Variants in SP140L observed in about 807,000 individuals in gnomAD.
SP140L encodes the protein nuclear body protein SP140-like protein.
Under a neutral mutation model 84.3 loss-of-function variants are expected in SP140L, and 64 were observed. The observed-to-expected ratio is 0.76, with a 90% CI of 0.62 to 0.94. The LOEUF is 0.94. SP140L is among the 40% of genes least tolerant of loss of function. SP140L has a pLI of 0.00. For synonymous variants in SP140L, 242 were observed against 236.9 expected (o/e 1.02, Z -0.20); for missense variants, 628 against 692.5 (o/e 0.91, Z 1.05).
chr2:230,398,342 G>T (rs763182148), intron 14 of SP140L, among the ~76,000 whole-genome samples: 4 of 152,122 alleles, frequency 2.6e-5, no homozygotes, highest in Non-Finnish European at 5.9e-5. Context: ...GTACAGCCAG[G>T]CCAACAACTA....
chr2:230,337,619 T>C (rs1208808866), intron 2 of SP140L, among the ~76,000 whole-genome samples: 2 of 152,226 alleles, frequency 1.3e-5, no homozygotes, highest in Non-Finnish European at 2.9e-5. Flanking sequence ...AGGGTTTTTA[T>C]GGTTTTAGGT....
At chr2:230,351,394 A>C (rs1057392144) in intron 2 of SP140L, among the ~76,000 whole-genome samples, 1 of 152,030 alleles carries the variant, frequency 6.6e-6, no homozygotes, top group Non-Finnish European at 1.5e-5. Flanking sequence ...CTTTTATTTA[A>C]GCTGCCTGTT....
intron 13 of SP140L, 149 bp from the exon 14 acceptor site, chr2:230,396,608 C>T: frequency 1.2e-6 from 1 of 855,650 alleles, no homozygotes; most frequent in Non-Finnish European, 1.8e-6. Context: ...ACTGGAGCCA[C>T]CCCAGCCTAC....
chr2:230,363,590 T>C (rs1214257565), intron 5 of SP140L, among the ~76,000 whole-genome samples: 2 of 152,090 alleles, frequency 1.3e-5, no homozygotes, highest in African/African-American at 4.8e-5. Flanking sequence ...ATCAGACATA[T>C]GGTTTGCAAA....
chr2:230,365,200 A>G (rs960218769), intron 5 of SP140L, among the ~76,000 whole-genome samples: 3 of 152,042 alleles, frequency 2.0e-5, no homozygotes, highest in African/African-American at 7.2e-5. Flanking sequence ...CCCTTATTCA[A>G]TTTTTTAGAC....
At chr2:230,361,834 G>A in intron 5 of SP140L, 137 bp downstream of exon 5, 1 of 652,188 alleles carries the variant, frequency 1.5e-6, no homozygotes, top group East Asian at 2.8e-5. Context: ...GTCAAGGAGG[G>A]GGTTGTATGA....
rs1170974045 is a variant in SP140L, at chr2:230,403,567, C to T, written c.*671C>T. The stretch of plus-strand genomic sequence containing the variant: ...ATTCACGACACACTTCTTCCCTTCA[C>T]TCTCCCACTTCTGTGGTCAACTCCC... On this transcript the variant is annotated 3_prime_UTR_variant, in exon 19 of 19. Coordinates refer to ENST00000415673, the MANE Select transcript of SP140L (RefSeq NM_138402.6). The T allele has an allele frequency of 6.6e-6, 1 of 152,318 alleles. No homozygotes were observed. The highest frequency in any genetic ancestry group is 2.4e-5 in the African/African-American group (1 of 41,450). 9.4% of individuals were successfully genotyped at this position (152,318 alleles called of 1,614,324 possible). A position where few individuals can be genotyped will look rare whatever the true frequency, so the allele number is the denominator to read the frequency against.
At chr2:230,345,394 A>C (rs2060177220) in intron 2 of SP140L, among the ~76,000 whole-genome samples, 1 of 152,058 alleles carries the variant, frequency 6.6e-6, no homozygotes, top group Admixed American at 6.5e-5. Flanking sequence ...GTGTTCTTAA[A>C]CCTACCATGA....
intron 2 of SP140L, among the ~76,000 whole-genome samples, chr2:230,342,365 T>C (rs530836217): frequency 2.0e-5 from 3 of 152,306 alleles, no homozygotes; most frequent in Non-Finnish European, 2.9e-5. Flanking sequence ...GCACGGTGCG[T>C]GCACCCACTG....
chr2:230,380,297 C>T (rs988898168), intron 7 of SP140L, among the ~76,000 whole-genome samples: 14 of 152,226 alleles, frequency 9.2e-5, no homozygotes, highest in Admixed American at 6.5e-4. Context: ...CCCACTGGGT[C>T]CCTCCCACAT....
chr2:230,401,265 A>C (rs1186262881), intron 16 of SP140L, 101 bp from the exon 17 acceptor site: 2 of 1,594,470 alleles, frequency 1.3e-6, no homozygotes, highest in Non-Finnish European at 1.7e-6. Context: ...CACATGTTAG[A>C]GAAACTTGAG....
intron 18 of SP140L, among the ~76,000 whole-genome samples, chr2:230,402,587 G>T (rs2149839301): frequency 6.6e-6 from 1 of 152,336 alleles, no homozygotes; most frequent in East Asian, 1.9e-4. Flanking sequence ...TCTTTGAGAT[G>T]ATGAATATGT....
At chr2:230,380,268 C>G (rs906140680) in intron 7 of SP140L, among the ~76,000 whole-genome samples, 11 of 152,190 alleles carry the variant, frequency 7.2e-5, no homozygotes, top group African/African-American at 2.6e-4. Flanking sequence ...GGAAACTGCC[C>G]CCCGATTCAA....
In SP140L at chr2:230,380,265, G is replaced by GC. The variant is rs371151108; in HGVS notation, c.638-3239dup. On this transcript the variant is annotated intron_variant, in intron 7 of 18. Transcript: ENST00000415673. ...CCATGAGAACAGTACAGGGGAAACT[G>GC]CCCCCCGATTCAATTTTATCTCCCA... 5.2e-3 allele frequency among the ~76,000 whole-genome samples: 788 copies of GC among 152,190 alleles called. 2 individuals are homozygous for GC. The highest frequency in any genetic ancestry group is 0.018 in the African/African-American group (750 of 41,506).
intron 14 of SP140L, among the ~76,000 whole-genome samples, chr2:230,397,224 G>T (rs939915582): frequency 3.9e-5 from 6 of 152,220 alleles, no homozygotes; most frequent in African/African-American, 1.4e-4. Flanking sequence ...GCACTCCAAG[G>T]TGCAGGTGGA....
At position 230,400,888 on chromosome 2, in the gene SP140L, G is replaced by A. The variant is rs1335736681; in HGVS notation, c.1314-67G>A. The A allele has an allele frequency of 3.4e-5, 39 of 1,157,934 alleles. No homozygotes were observed. The Admixed American group carries it at 3.9e-4, about 12-fold the overall frequency. The allele number at this position is 1,157,934 out of a possible 1,614,324, so 71.7% of individuals were successfully genotyped here. On this transcript the variant is annotated intron_variant, in intron 15 of 18. Transcript: ENST00000415673. ...CAGCCATTCCTGAAGGAAGACAGTG[G>A]TAGCCACAGGAACGGTGGCCATTTC...
At chr2:230,386,194 A>G (rs2061574185) in intron 9 of SP140L, among the ~76,000 whole-genome samples, 1 of 152,190 alleles carries the variant, frequency 6.6e-6, no homozygotes, top group African/African-American at 2.4e-5. Context: ...CTATGGTCCC[A>G]TAGGTGGACT....
rs2062298879 is a variant in SP140L at position 230,400,818 on chromosome 2, G to C, written c.1314-137G>C. On this transcript the variant is annotated intron_variant, in intron 15 of 18. Transcript: ENST00000415673. ...GCTGGAGACCCCATGTGCAGTTCTT[G>C]GATACTCTGGGAGGTGTTCCCCTCC... The C allele has an allele frequency of 3.2e-6, 5 of 1,579,688 alleles. No individual in the cohort carries two copies. The South Asian group carries it at 5.7e-5, about 18-fold the overall frequency.
Position 230,354,848 on chromosome 2 carries a change from GGAAAGAAAGAAAGAAAGAAAGAAA to G in SP140L, c.108-2931_108-2908del, listed in dbSNP as rs61603133. ...AAGAAAGAGACAAGAAAGAAAGAAAGGAAAGAAAGAAAGAAAGAAAGAAAGAAAGAAAGAAAGAAAGAAAGAAAG... is the reference window on the plus strand; with the variant it reads ...AAGAAAGAGACAAGAAAGAAAGAAAGGAAAGAAAGAAAGAAAGAAAGAAAG... On this transcript the variant is annotated intron_variant, in intron 2 of 18. Coordinates refer to ENST00000415673, the MANE Select transcript of SP140L (RefSeq NM_138402.6). Among the ~76,000 whole-genome samples, 6 of 108,886 alleles carry G rather than the reference GGAAAGAAAGAAAGAAAGAAAGAAA, an allele frequency of 5.5e-5. No homozygotes were observed. The East Asian group carries it at 1.4e-3, about 25-fold the overall frequency. 71.4% of individuals were successfully genotyped at this position (108,886 alleles called of 152,430 possible).
Sources: allele counts gnomAD v4.1 joint callset (sites outside exome capture counted in the v4.1 genomes callset), GRCh38; gene constraint gnomAD v4.1.1; transcripts MANE v1.5; gene names NCBI Gene and HGNC (gene_info 2026-07-23, HGNC 2026-07-21).